Variants in SYT1 observed in about 807,000 individuals in gnomAD.
SYT1 encodes synaptotagmin-1.
SYT1 carries 8 observed loss-of-function variants against 44.8 expected under a neutral mutation model. The ratio of observed to expected loss-of-function variants is 0.18; its 90% CI spans 0.10 to 0.32. The LOEUF is 0.32. Ranked by LOEUF, SYT1 falls within the 10% of genes least tolerant of loss-of-function variation. The pLI, the probability that SYT1 is intolerant of heterozygous loss-of-function variation, is 1.00. For synonymous variants in SYT1, 154 were observed against 188.8 expected, an observed-to-expected ratio of 0.82 and a Z score of 1.51; for missense variants, 286 against 509.3, an observed-to-expected ratio of 0.56 and a Z score of 4.22.
intron 1 of SYT1, among the ~76,000 whole-genome samples, chr12:78,928,766 C>T (rs755275517): frequency 2.9e-4 from 44 of 152,086 alleles, no homozygotes; most frequent in Non-Finnish European, 5.3e-4. Flanking sequence ...GAGATTTCAT[C>T]AGCTACTCAG....
chr12:79,247,780 C>CA (rs71309576), intron 4 of SYT1, among the ~76,000 whole-genome samples: 4,619 of 143,398 alleles, frequency 0.032, 81 homozygotes, highest in Non-Finnish European at 0.037. Flanking sequence ...TAAAAGAAAA[C>CA]AAAAAAAAAA....
intron 9 of SYT1, among the ~76,000 whole-genome samples, chr12:79,371,874 A>G (rs545050449): frequency 1.3e-5 from 2 of 152,236 alleles, no homozygotes; most frequent in Non-Finnish European, 2.9e-5. Context: ...GGGAAGAGCC[A>G]GTTTAAGTAT....
intron 2 of SYT1, among the ~76,000 whole-genome samples, chr12:78,981,095 G>A (rs11609122): frequency 0.058 from 8,240 of 142,284 alleles, 247 homozygotes; most frequent in Admixed American, 0.09. Flanking sequence ...TTGTTTTTGT[G>A]TTTTTTGTTG....
intron 3 of SYT1, among the ~76,000 whole-genome samples, chr12:79,200,500 T>C (rs945730129): frequency 1.2e-4 from 19 of 152,092 alleles, no homozygotes; most frequent in African/African-American, 4.6e-4. Flanking sequence ...CACAGTCCTC[T>C]GAAACTCAAA....
At chr12:79,388,000 A>G (rs1210841421) in intron 9 of SYT1, among the ~76,000 whole-genome samples, 1 of 152,228 alleles carries the variant, frequency 6.6e-6, no homozygotes, top group Admixed American at 6.5e-5. Context: ...ACTTTGTTAT[A>G]TGAACATTTA....
intron 3 of SYT1, among the ~76,000 whole-genome samples, chr12:79,207,542 G>A (rs541036402): frequency 2.7e-4 from 41 of 152,044 alleles, no homozygotes; most frequent in Middle Eastern, 3.4e-3. Context: ...AACAAGCCCC[G>A]GTGTGTTGTT....
intron 3 of SYT1, among the ~76,000 whole-genome samples, chr12:79,066,667 G>T (rs1165333724): frequency 6.6e-6 from 1 of 151,842 alleles, no homozygotes; most frequent in African/African-American, 2.4e-5. Context: ...TGCCTAATTA[G>T]AAATAAATGA....
intron 3 of SYT1, among the ~76,000 whole-genome samples, chr12:79,167,339 C>T (rs565090867): frequency 6.6e-6 from 1 of 152,054 alleles, no homozygotes; most frequent in South Asian, 2.1e-4. Context: ...CATTCCTAGC[C>T]TGAATAATAC....
intron 3 of SYT1, among the ~76,000 whole-genome samples, chr12:79,185,278 A>G (rs906573193): frequency 1.3e-5 from 2 of 152,064 alleles, no homozygotes; most frequent in African/African-American, 4.8e-5. Context: ...TGCTACTTAA[A>G]TTATCTTTCA....
chr12:79,249,230 G>A (rs1195137219), intron 4 of SYT1, among the ~76,000 whole-genome samples: 2 of 149,896 alleles, frequency 1.3e-5, no homozygotes, highest in Admixed American at 1.3e-4. Flanking sequence ...TCAGCTTCCC[G>A]AGTAGCTGGG....
At chr12:79,321,701 A>G (rs1223780968) in intron 8 of SYT1, among the ~76,000 whole-genome samples, 2 of 152,194 alleles carry the variant, frequency 1.3e-5, no homozygotes, top group Non-Finnish European at 2.9e-5. Flanking sequence ...AGTATTTACC[A>G]AAATATGTTA....
At chr12:79,193,676 T>A (rs1873265878) in intron 3 of SYT1, among the ~76,000 whole-genome samples, 1 of 152,128 alleles carries the variant, frequency 6.6e-6, no homozygotes, top group South Asian at 2.1e-4. Flanking sequence ...TGCAGTGAGC[T>A]ATGATCATGC....
chr12:79,128,191 C>T (rs927341332), intron 3 of SYT1, among the ~76,000 whole-genome samples: 11 of 152,044 alleles, frequency 7.2e-5, no homozygotes, highest in African/African-American at 2.7e-4. Flanking sequence ...CCCAGTAGTT[C>T]AAGACCAGCC....
chr12:79,042,757 G>A (rs1391880344), intron 2 of SYT1, among the ~76,000 whole-genome samples: 1 of 149,376 alleles, frequency 6.7e-6, no homozygotes, highest in Non-Finnish European at 1.5e-5. Flanking sequence ...TCTCCTGTGG[G>A]CATTTAGTGC....
At chr12:79,071,742 A>C (rs1876292375) in intron 3 of SYT1, among the ~76,000 whole-genome samples, 3 of 152,148 alleles carry the variant, frequency 2.0e-5, no homozygotes. Flanking sequence ...CTCTGTCTTC[A>C]CATGGCTGTC....
chr12:79,180,716 G>A (rs187713597), intron 3 of SYT1, among the ~76,000 whole-genome samples: 1 of 151,980 alleles, frequency 6.6e-6, no homozygotes, highest in East Asian at 2.0e-4. Flanking sequence ...ACTATCATGA[G>A]GACAGTATCA....
At chr12:79,118,591 A>G (rs1444615344) in intron 3 of SYT1, among the ~76,000 whole-genome samples, 2 of 152,220 alleles carry the variant, frequency 1.3e-5, no homozygotes, top group African/African-American at 4.8e-5. Context: ...GAAATTAGAA[A>G]GGAAATAAAA....
intron 9 of SYT1, among the ~76,000 whole-genome samples, chr12:79,403,288 AAG>A (rs1240063875): frequency 1.3e-5 from 2 of 152,110 alleles, no homozygotes; most frequent in Non-Finnish European, 2.9e-5. Context: ...GAGAGGGAGA[AAG>A]AGAGAGAGGC....
intron 3 of SYT1, among the ~76,000 whole-genome samples, chr12:79,113,665 T>G (rs1391262033): frequency 1.3e-5 from 2 of 152,124 alleles, no homozygotes; most frequent in Non-Finnish European, 2.9e-5. Context: ...GAACATATAT[T>G]CAGATTCCAT....
Sources: gnomAD v4.1 joint callset for allele counts (sites outside exome capture counted in the v4.1 genomes callset) on GRCh38, gnomAD v4.1.1 for gene constraint, MANE v1.5 for transcripts, NCBI Gene and HGNC (gene_info 2026-07-23, HGNC 2026-07-21) for gene names.